Variants in HMGA2 observed in about 807,000 individuals in gnomAD.
HMGA2 encodes high mobility group protein HMGI-C.
In HMGA2, 8 loss-of-function variants were observed where a neutral mutation model predicts 19.1. The ratio of observed to expected loss-of-function variants is 0.42; its 90% CI spans 0.25 to 0.76. The LOEUF is 0.76. Ranked by LOEUF, HMGA2 falls within the 30% of genes least tolerant of loss-of-function variation. The pLI is 0.28. For missense variants in HMGA2, 109 were observed against 136.3 expected (o/e 0.80, Z 1.00); for synonymous variants, 60 against 48.8 (o/e 1.23, Z -0.96).
At chr12:65,862,137 G>A (rs566334765) in intron 3 of HMGA2, among the ~76,000 whole-genome samples, 9 of 151,972 alleles carry the variant, frequency 5.9e-5, no homozygotes, top group Non-Finnish European at 1.3e-4. Context: ...GAGCCACCAC[G>A]CCTGGCTGTG....
intron 2 of HMGA2, chr12:65,828,989 T>C (rs1032055456): frequency 6.6e-6 from 1 of 152,194 alleles, no homozygotes; most frequent in Admixed American, 6.5e-5. Flanking sequence ...CTGCGTTGTA[T>C]TTGTAGGTTT....
intron 3 of HMGA2, among the ~76,000 whole-genome samples, chr12:65,928,148 A>T (rs1350398502): frequency 1.3e-5 from 2 of 152,178 alleles, no homozygotes; most frequent in Non-Finnish European, 2.9e-5. Flanking sequence ...CATCTAGGCT[A>T]AATGGTGCAT....
intron 4 of HMGA2, among the ~76,000 whole-genome samples, chr12:65,962,907 G>A (rs1214219380): frequency 6.6e-6 from 1 of 152,114 alleles, no homozygotes; most frequent in African/African-American, 2.4e-5. Flanking sequence ...CATGCTGTCG[G>A]GAAAAATTTA....
chr12:65,882,232 T>C (rs190397370), intron 3 of HMGA2: 19 of 322,160 alleles, frequency 5.9e-5, no homozygotes, highest in African/African-American at 3.6e-4. Context: ...AGTTGGCCCC[T>C]GCCCACCTTT....
intron 2 of HMGA2, among the ~76,000 whole-genome samples, chr12:65,834,011 T>C (rs958611047): frequency 5.9e-5 from 9 of 152,202 alleles, no homozygotes; most frequent in African/African-American, 1.9e-4. Flanking sequence ...TTTAATCCTC[T>C]GATTTAGGCA....
intron 2 of HMGA2, chr12:65,828,769 G>C (rs1239118667): frequency 2.0e-5 from 3 of 152,924 alleles, no homozygotes; most frequent in African/African-American, 4.8e-5. Flanking sequence ...ACAAGTATTT[G>C]GCTCATTTAA....
intron 3 of HMGA2, among the ~76,000 whole-genome samples, chr12:65,924,823 A>C (rs1466421980): frequency 6.6e-6 from 1 of 152,156 alleles, no homozygotes; most frequent in Non-Finnish European, 1.5e-5. Flanking sequence ...GTAATTGTGA[A>C]GTCTTTGGCA....
intron 3 of HMGA2, among the ~76,000 whole-genome samples, chr12:65,930,601 G>A (rs572303219): frequency 9.9e-5 from 15 of 152,258 alleles, no homozygotes; most frequent in Non-Finnish European, 1.3e-4. Flanking sequence ...GGGATTCTGC[G>A]CCTTGGGATA....
chr12:65,848,159 C>T (rs933907102), intron 3 of HMGA2, among the ~76,000 whole-genome samples: 1 of 152,164 alleles, frequency 6.6e-6, no homozygotes, highest in African/African-American at 2.4e-5. Flanking sequence ...TAGCATTCTG[C>T]TTTCCAAAAT....
At chr12:65,917,854 G>T (rs1334539556) in intron 3 of HMGA2, among the ~76,000 whole-genome samples, 1 of 152,168 alleles carries the variant, frequency 6.6e-6, no homozygotes, top group East Asian at 1.9e-4. Flanking sequence ...CTACTATTGT[G>T]TATCTCTTTA....
At chr12:65,888,096 A>G (rs577594496) in intron 3 of HMGA2, among the ~76,000 whole-genome samples, 100 of 152,260 alleles carry the variant, frequency 6.6e-4, no homozygotes, top group Middle Eastern at 6.8e-3. Context: ...TCCCCTTTCC[A>G]TAGCGGTTTG....
intron 3 of HMGA2, among the ~76,000 whole-genome samples, chr12:65,844,755 T>A (rs1264490377): frequency 2.6e-5 from 4 of 152,214 alleles, no homozygotes; most frequent in Admixed American, 2.0e-4. Context: ...ATAAAAACAT[T>A]GACTGCAGAG....
chr12:65,846,104 G>A (rs961488600), intron 3 of HMGA2, among the ~76,000 whole-genome samples: 7 of 152,144 alleles, frequency 4.6e-5, no homozygotes, highest in Non-Finnish European at 7.3e-5. Context: ...ATCCAGGCTC[G>A]CCCCCAACCC....
intron 2 of HMGA2, chr12:65,828,390 A>G: frequency 5.8e-6 from 2 of 347,334 alleles, no homozygotes; most frequent in Non-Finnish European, 1.1e-5. Context: ...GCGGGATGAA[A>G]ATGACACAAT....
intron 3 of HMGA2, among the ~76,000 whole-genome samples, chr12:65,865,556 G>A (rs1249513871): frequency 6.6e-6 from 1 of 151,532 alleles, no homozygotes; most frequent in East Asian, 1.9e-4. Context: ...GAATGTGCTA[G>A]AATAACATTT....
intron 3 of HMGA2, among the ~76,000 whole-genome samples, chr12:65,924,913 T>G (rs1398982510): frequency 6.6e-6 from 1 of 152,212 alleles, no homozygotes; most frequent in Non-Finnish European, 1.5e-5. Flanking sequence ...TCTGCCGTTC[T>G]GTCATATTTC....
At chr12:65,848,684 G>A (rs1025456560) in intron 3 of HMGA2, among the ~76,000 whole-genome samples, 16 of 151,858 alleles carry the variant, frequency 1.1e-4, no homozygotes, top group East Asian at 3.9e-4. Flanking sequence ...GTGAAACCCC[G>A]TCTCTACTAA....
rs1255449601 is a variant in HMGA2 at position 65,904,638 on chromosome 12, T to A, written c.250-46745T>A. 2.0e-5 allele frequency among the ~76,000 whole-genome samples: 3 copies of A among 152,226 alleles called. No individual in the cohort carries two copies. In the East Asian group the frequency reaches 5.8e-4, roughly 29 times the overall value. ...TTATTAATTGATTCAAATAATTGTT[T>A]TTGACATTTTGAGGATTAAATTTCT... On this transcript the variant is annotated intron_variant, in intron 3 of 4. Transcript: ENST00000403681.
At chr12:65,944,436 T>A (rs1028293544) in intron 3 of HMGA2, among the ~76,000 whole-genome samples, 1 of 152,152 alleles carries the variant, frequency 6.6e-6, no homozygotes, top group Non-Finnish European at 1.5e-5. Context: ...AACCACAGCA[T>A]AAGCAAGAAA....
Sources: allele counts gnomAD v4.1 joint callset (sites outside exome capture counted in the v4.1 genomes callset), GRCh38; gene constraint gnomAD v4.1.1; transcripts MANE v1.5; gene names NCBI Gene and HGNC (gene_info 2026-07-23, HGNC 2026-07-21).